Variants in CTNNA3 observed in about 807,000 individuals in gnomAD.
The protein encoded by CTNNA3 is catenin alpha 3.
Under a neutral mutation model 95.7 loss-of-function variants are expected in CTNNA3, and 76 were observed. The observed-to-expected ratio is 0.79, with a 90% CI of 0.66 to 0.96. The LOEUF (loss-of-function observed/expected upper bound fraction) is 0.96. Among genes scored for constraint, CTNNA3 ranks in the 40% least tolerant of loss-of-function variants. CTNNA3 has a pLI of 0.00. For missense variants in CTNNA3, 1,191 were observed against 1,089.8 expected, an observed-to-expected ratio of 1.09 and a Z score of -1.31; for synonymous variants, 431 against 374.4, an observed-to-expected ratio of 1.15 and a Z score of -1.74.
intron 16 of CTNNA3, among the ~76,000 whole-genome samples, chr10:65,970,585 A>C (rs901540826): frequency 2.6e-5 from 4 of 151,556 alleles, no homozygotes; most frequent in Non-Finnish European, 5.9e-5. Context: ...AGAAATATCT[A>C]TCTTGCAGAT....
intron 14 of CTNNA3, among the ~76,000 whole-genome samples, chr10:66,082,737 A>G (rs1383193841): frequency 6.6e-6 from 1 of 152,158 alleles, no homozygotes; most frequent in African/African-American, 2.4e-5. Context: ...AAAAAATTAA[A>G]AACAATGTAA....
intron 11 of CTNNA3, among the ~76,000 whole-genome samples, chr10:66,439,753 C>T (rs1261728809): frequency 1.3e-5 from 2 of 151,880 alleles, no homozygotes; most frequent in East Asian, 1.9e-4. Context: ...TTTACCTCAA[C>T]AATAAACGAG....
At chr10:67,729,010 G>GA (rs1841259604) in intron 1 of CTNNA3, among the ~76,000 whole-genome samples, 1 of 152,022 alleles carries the variant, frequency 6.6e-6, no homozygotes, top group Non-Finnish European at 1.5e-5. Flanking sequence ...CAAAGTAAAT[G>GA]AAAAATGGTT....
At chr10:66,187,045 G>T (rs1589672844) in intron 13 of CTNNA3, among the ~76,000 whole-genome samples, 1 of 152,136 alleles carries the variant, frequency 6.6e-6, no homozygotes, top group Admixed American at 6.5e-5. Context: ...AAAACCAGAA[G>T]TGTAGCAATG....
At chr10:67,024,880 T>C (rs1853256289) in intron 7 of CTNNA3, among the ~76,000 whole-genome samples, 1 of 152,030 alleles carries the variant, frequency 6.6e-6, no homozygotes, top group African/African-American at 2.4e-5. Context: ...CTGTAAATCC[T>C]AGCACTTTAG....
Position 66,724,204 on chromosome 10 carries a change from T to C in CTNNA3, c.1281+42060A>G, listed in dbSNP as rs139255691. On this transcript the variant is annotated intron_variant, in intron 9 of 17. Coordinates refer to ENST00000433211, the MANE Select transcript of CTNNA3 (RefSeq NM_013266.4). Reference sequence around the variant, plus strand: ...TGTTTGCTATTGACTGGTAGAGAAATTTAGTTAGCTCATTAAATGTTCTGC... The same window carrying C: ...TGTTTGCTATTGACTGGTAGAGAAACTTAGTTAGCTCATTAAATGTTCTGC... 6.0e-3 allele frequency among the ~76,000 whole-genome samples: 911 copies of C among 152,270 alleles called. 14 individuals carry two copies. The highest frequency in any genetic ancestry group is 0.021 in the African/African-American group (869 of 41,560).
chr10:66,979,090 G>A (rs1216745976), intron 7 of CTNNA3, among the ~76,000 whole-genome samples: 1 of 149,244 alleles, frequency 6.7e-6, no homozygotes, highest in African/African-American at 2.5e-5. Context: ...TCAGCCTCCT[G>A]AGTAGCTGGG....
intron 1 of CTNNA3, among the ~76,000 whole-genome samples, chr10:67,692,742 A>T (rs1430905772): frequency 7.1e-6 from 1 of 141,656 alleles, no homozygotes; most frequent in East Asian, 6.1e-4. Flanking sequence ...TCAATAAAAA[A>T]AAAAAAAAAA....
intron 5 of CTNNA3, among the ~76,000 whole-genome samples, chr10:67,444,608 G>GT (rs1846666004): frequency 6.6e-6 from 1 of 151,972 alleles, no homozygotes; most frequent in Non-Finnish European, 1.5e-5. Flanking sequence ...GAAATGAAAA[G>GT]TTAGTTTTTT....
At chr10:66,726,636 C>A (rs1432278841) in intron 9 of CTNNA3, among the ~76,000 whole-genome samples, 1 of 152,042 alleles carries the variant, frequency 6.6e-6, no homozygotes, top group East Asian at 1.9e-4. Context: ...TAAAATTCAC[C>A]TCAGAGAAGA....
chr10:66,653,623 A>C (rs796425299), intron 9 of CTNNA3, among the ~76,000 whole-genome samples: 11 of 152,264 alleles, frequency 7.2e-5, no homozygotes, highest in African/African-American at 2.6e-4. Flanking sequence ...ATATGCAAGC[A>C]CAAAAGATGC....
At chr10:66,817,863 C>G (rs1842149453) in intron 7 of CTNNA3, among the ~76,000 whole-genome samples, 1 of 151,906 alleles carries the variant, frequency 6.6e-6, no homozygotes, top group Non-Finnish European at 1.5e-5. Context: ...AGATAAACAT[C>G]CTTTAAAATA....
At chr10:66,941,209 C>T (rs1383401854) in intron 7 of CTNNA3, among the ~76,000 whole-genome samples, 1 of 152,202 alleles carries the variant, frequency 6.6e-6, no homozygotes, top group Non-Finnish European at 1.5e-5. Flanking sequence ...TTAGAGCCTG[C>T]AGCTGAATGA....
chr10:66,479,153 A>C (rs1344562239), intron 11 of CTNNA3, among the ~76,000 whole-genome samples: 3 of 151,956 alleles, frequency 2.0e-5, no homozygotes, highest in Admixed American at 1.3e-4. Context: ...ACCCTTTCCC[A>C]ACATCTCATA....
intron 10 of CTNNA3, among the ~76,000 whole-genome samples, chr10:66,593,529 G>A (rs567181937): frequency 6.6e-6 from 1 of 152,180 alleles, no homozygotes; most frequent in Admixed American, 6.5e-5. Context: ...GTTTCCAGGT[G>A]ATTTTGATAC....
At chr10:66,882,346 A>C (rs1291150344) in intron 7 of CTNNA3, among the ~76,000 whole-genome samples, 1 of 152,086 alleles carries the variant, frequency 6.6e-6, no homozygotes. Context: ...AATTGCAGAC[A>C]CTCAATACAA....
intron 10 of CTNNA3, among the ~76,000 whole-genome samples, chr10:66,563,520 T>G (rs928344706): frequency 6.6e-6 from 1 of 152,112 alleles, no homozygotes; most frequent in Non-Finnish European, 1.5e-5. Context: ...ATCTCTTTGC[T>G]AGTTGTTTCA....
intron 13 of CTNNA3, among the ~76,000 whole-genome samples, chr10:66,167,404 CTT>C (rs2085191816): frequency 6.6e-6 from 1 of 152,054 alleles, no homozygotes; most frequent in Admixed American, 6.6e-5. Flanking sequence ...TTTACAATGT[CTT>C]TGTATCTGCC....
At chr10:66,787,067 C>T (rs1042669454) in intron 7 of CTNNA3, among the ~76,000 whole-genome samples, 1 of 152,002 alleles carries the variant, frequency 6.6e-6, no homozygotes, top group Non-Finnish European at 1.5e-5. Flanking sequence ...TTCCTTTTTT[C>T]CTGCAAAATA....
Sources: allele counts gnomAD v4.1 joint callset (sites outside exome capture counted in the v4.1 genomes callset), GRCh38; gene constraint gnomAD v4.1.1; transcripts MANE v1.5; gene names NCBI Gene and HGNC (gene_info 2026-07-23, HGNC 2026-07-21).